Variants in GRK5 observed in about 807,000 individuals in gnomAD.
The protein encoded by GRK5 is G protein-coupled receptor kinase 5.
GRK5 carries 40 observed loss-of-function variants against 78.4 expected under a neutral mutation model. The observed-to-expected ratio is 0.51, with a 90% CI of 0.40 to 0.66. GRK5 has a LOEUF of 0.66. Ranked by LOEUF, GRK5 falls within the 30% of genes least tolerant of loss-of-function variation. The pLI, the probability that GRK5 is intolerant of heterozygous loss-of-function variation, is 0.00. For missense variants in GRK5, 598 were observed against 759.9 expected (o/e 0.79, Z 2.50); for synonymous variants, 289 against 296.8 (o/e 0.97, Z 0.27).
At chr10:119,239,171 GC>G (rs1399425563) in intron 1 of GRK5, among the ~76,000 whole-genome samples, 1 of 151,688 alleles carries the variant, frequency 6.6e-6, no homozygotes, top group East Asian at 1.9e-4. Context: ...CCATGCTGGG[GC>G]TTCGGGATAA....
chr10:119,448,127 T>A lies in GRK5; in HGVS notation c.1271T>A (p.Leu424His). ...TCATGGGGCTCTCTGTTTCAGCTGC[T>A]CACGAAAGATGCGAAGCAGAGGCTG... The part of the protein sequence containing the change: ...EEAKSICKML[L>H]TKDAKQRLGC... The change falls in exon 13 of 16, where the codon CTC (leucine) becomes CAC (histidine). Residue 424 changes from leucine (L) to histidine (H), a missense_variant. Leu to His is a moderately conservative substitution (Grantham distance 99). Coordinates refer to ENST00000392870, the MANE Select transcript of GRK5 (RefSeq NM_005308.3). The A allele has an allele frequency of 6.4e-7, 1 of 1,550,518 alleles. No homozygotes were observed. The highest frequency in any genetic ancestry group is 8.7e-7 in the Non-Finnish European group (1 of 1,155,214).
rs1187872592 is a variant in GRK5, at chr10:119,253,226, A to ATCT, written c.52+45257_52+45258insTCT. 1.3e-5 allele frequency among the ~76,000 whole-genome samples: 2 copies of ATCT among 152,200 alleles called. No individual in the cohort carries two copies. Among genetic ancestry groups the ATCT allele is most frequent in the Non-Finnish European group, 2.9e-5 (2 of 68,038 alleles). On this transcript the variant is annotated intron_variant, in intron 1 of 15. Coordinates refer to ENST00000392870, the MANE Select transcript of GRK5 (RefSeq NM_005308.3). This position sits in a 1 kb window ranked among gnomAD's most constrained non-coding sequence, Gnocchi z 5.7. ...ACATCTGAGGGTCTGTTGAGATTAC[A>ATCT]GAGGCCCTTGATAGAGTCCGAAATT...
intron 12 of GRK5, among the ~76,000 whole-genome samples, chr10:119,447,809 T>G (rs780739908): frequency 2.6e-5 from 4 of 152,184 alleles, no homozygotes; most frequent in African/African-American, 4.8e-5. Flanking sequence ...TGCCTTTTGT[T>G]GCTTACCCTA....
chr10:119,323,686 G>T (rs575826504), intron 1 of GRK5, among the ~76,000 whole-genome samples: 1 of 152,298 alleles, frequency 6.6e-6, no homozygotes, highest in East Asian at 1.9e-4. Flanking sequence ...GGATTTCGAT[G>T]TGAAATCTCC....
intron 2 of GRK5, among the ~76,000 whole-genome samples, chr10:119,362,129 GC>G (rs1387988991): frequency 3.3e-5 from 5 of 152,218 alleles, no homozygotes; most frequent in Non-Finnish European, 5.9e-5. Context: ...TTCTTAGGAA[GC>G]CGGTAGTAAC....
chr10:119,245,745 C>T (rs926407618), intron 1 of GRK5, among the ~76,000 whole-genome samples: 4 of 152,028 alleles, frequency 2.6e-5, no homozygotes, highest in Non-Finnish European at 4.4e-5. Context: ...AGGCCGGGCG[C>T]GGTGGCTCAC....
At chr10:119,325,483 C>T (rs150968488) in intron 1 of GRK5, among the ~76,000 whole-genome samples, 128 of 152,150 alleles carry the variant, frequency 8.4e-4, no homozygotes, top group Non-Finnish European at 1.5e-3. Context: ...CATACCCACC[C>T]GGAGCAAGCA....
intron 1 of GRK5, among the ~76,000 whole-genome samples, chr10:119,290,361 A>C (rs1405145414): frequency 3.0e-5 from 4 of 132,124 alleles, no homozygotes; most frequent in South Asian, 5.0e-4. Flanking sequence ...AAAAAAAAAA[A>C]AACAAAAAAC....
intron 1 of GRK5, among the ~76,000 whole-genome samples, chr10:119,260,756 A>T (rs1459323885): frequency 2.7e-5 from 4 of 150,880 alleles, no homozygotes; most frequent in Non-Finnish European, 4.5e-5. Flanking sequence ...CCAAGGCAGA[A>T]GAATTTTTCT....
chr10:119,325,411 G>T (rs981880213), intron 1 of GRK5, among the ~76,000 whole-genome samples: 3 of 152,170 alleles, frequency 2.0e-5, no homozygotes, highest in Admixed American at 6.5e-5. Context: ...GGTTGCTGGT[G>T]TGCAGAAGGG....
At chr10:119,416,628 T>C (rs1852460159) in intron 4 of GRK5, among the ~76,000 whole-genome samples, 1 of 151,968 alleles carries the variant, frequency 6.6e-6, no homozygotes, top group African/African-American at 2.4e-5. Context: ...TCTCACTCTG[T>C]TGCCCAGGTT....
rs139231186 is a variant in GRK5 at position 119,434,199 on chromosome 10, G to A, written c.739-2452G>A. Among the ~76,000 whole-genome samples, 101 of 152,260 alleles carry A rather than the reference G, an allele frequency of 6.6e-4. 2 individuals carry two copies. In the East Asian group the frequency reaches 0.019, roughly 28 times the overall value. Reference sequence around the variant, plus strand: ...CAATTCAAGATGAGATTTGGGTGGGGACACAGCCCAACCATATCATTCTGC... The same window carrying A: ...CAATTCAAGATGAGATTTGGGTGGGAACACAGCCCAACCATATCATTCTGC... On this transcript the variant is annotated intron_variant, in intron 8 of 15. Transcript: ENST00000392870.
chr10:119,430,748 C>T lies in GRK5; in HGVS notation c.597+310C>T, dbSNP rs79929789. 0.096 allele frequency among the ~76,000 whole-genome samples: 14,637 copies of T among 151,994 alleles called. 860 individuals are homozygous for T. The highest frequency in any genetic ancestry group is 0.19 in the Middle Eastern group (56 of 294). On this transcript the variant is annotated intron_variant, in intron 7 of 15. Coordinates refer to ENST00000392870, the MANE Select transcript of GRK5 (RefSeq NM_005308.3). The surrounding 1 kb of genome is among the most constrained non-coding windows in gnomAD (Gnocchi z 4.5). Reference sequence around the variant, plus strand: ...CGTGTGTGGGGAGGAGATGTGAGGGCGTGAGGAGGCTGGGCAACCTTGGCC... The same window carrying T: ...CGTGTGTGGGGAGGAGATGTGAGGGTGTGAGGAGGCTGGGCAACCTTGGCC...
rs1402771204 is a variant in GRK5, at chr10:119,458,034, AAAC to A, written c.*2972_*2974del. 3 of 152,268 alleles carry A rather than the reference AAAC, an allele frequency of 2.0e-5. No homozygotes were observed. The highest frequency in any genetic ancestry group is 2.9e-5 in the Non-Finnish European group (2 of 68,068). 9.4% of individuals were successfully genotyped at this position (152,268 alleles called of 1,614,324 possible). A position where few individuals can be genotyped will look rare whatever the true frequency, so the allele number is the denominator to read the frequency against. On this transcript the variant is annotated 3_prime_UTR_variant, in exon 16 of 16. Coordinates refer to ENST00000392870, the MANE Select transcript of GRK5 (RefSeq NM_005308.3). ...TAAAAGATATTTTAAAATTAAAAGC[AAAC>A]AACACTGTCCACCCATCTACCTGTC...
At chr10:119,381,430 A>G (rs907004105) in intron 3 of GRK5, among the ~76,000 whole-genome samples, 9 of 152,244 alleles carry the variant, frequency 5.9e-5, no homozygotes, top group Admixed American at 4.6e-4. Context: ...TGGGCACTCA[A>G]TACATGTCAA....
chr10:119,413,268 C>G (rs1441635469), intron 4 of GRK5, among the ~76,000 whole-genome samples: 2 of 151,714 alleles, frequency 1.3e-5, no homozygotes, highest in African/African-American at 4.8e-5. Context: ...AAGAAAATTC[C>G]TTAGCACTGT....
chr10:119,215,237 C>T (rs186285181), intron 1 of GRK5, among the ~76,000 whole-genome samples: 107 of 152,290 alleles, frequency 7.0e-4, no homozygotes, highest in African/African-American at 2.5e-3. Flanking sequence ...TGCTCAGTAG[C>T]CATGTGTGGC....
chr10:119,270,653 G>A (rs1011367522), intron 1 of GRK5, among the ~76,000 whole-genome samples: 10 of 152,210 alleles, frequency 6.6e-5, no homozygotes, highest in Admixed American at 1.3e-4. Flanking sequence ...TCTGTCATGC[G>A]GCCCACAGCC....
chr10:119,261,806 G>A (rs61874480), intron 1 of GRK5, among the ~76,000 whole-genome samples: 25,137 of 152,234 alleles, frequency 0.17, 2,216 homozygotes, highest in Admixed American at 0.24. Context: ...GGCTGAGGCC[G>A]GAGAATCAGG....
Sources: gnomAD v4.1 joint callset for allele counts (sites outside exome capture counted in the v4.1 genomes callset) on GRCh38, gnomAD v4.1.1 for gene constraint, Gnocchi (gnomAD v3.1) non-coding constraint, MANE v1.5 for transcripts, NCBI Gene and HGNC (gene_info 2026-07-23, HGNC 2026-07-21) for gene names.